Variants in CYFIP2 observed in about 807,000 individuals in gnomAD.
The protein encoded by CYFIP2 is cytoplasmic FMR1 interacting protein 2.
CYFIP2 carries 29 observed loss-of-function variants against 158.7 expected under a neutral mutation model. The observed-to-expected ratio is 0.18, with a 90% confidence interval of 0.14 to 0.25. The LOEUF is 0.25. Among genes scored for constraint, CYFIP2 ranks in the 10% least tolerant of loss-of-function variants. The probability of loss-of-function intolerance (pLI) is 1.00; values close to 1 mark genes in which losing one functional copy is unlikely to be tolerated. For missense variants in CYFIP2, 852 were observed against 1,639.5 expected, an observed-to-expected ratio of 0.52 and a Z score of 8.29; for synonymous variants, 585 against 617.6, an observed-to-expected ratio of 0.95 and a Z score of 0.78.
chr5:157,379,758 C>CA (rs1765865296), intron 26 of CYFIP2, among the ~76,000 whole-genome samples: 1 of 149,476 alleles, frequency 6.7e-6, no homozygotes, highest in African/African-American at 2.5e-5. Context: ...GAAATAGTAC[C>CA]AATTCTACAT....
intron 26 of CYFIP2, among the ~76,000 whole-genome samples, chr5:157,379,086 A>AC (rs1310826353): frequency 6.6e-6 from 1 of 152,038 alleles, no homozygotes; most frequent in African/African-American, 2.4e-5. Flanking sequence ...CCTCCATAAC[A>AC]CTCATGAGGG....
intron 26 of CYFIP2, among the ~76,000 whole-genome samples, chr5:157,371,789 G>A (rs1765019010): frequency 2.6e-5 from 4 of 152,162 alleles, no homozygotes. Flanking sequence ...AAATTCTGAT[G>A]TGAGTTCCTT....
intron 1 of CYFIP2, among the ~76,000 whole-genome samples, chr5:157,280,426 G>A (rs549283583): frequency 2.8e-4 from 41 of 148,806 alleles, no homozygotes; most frequent in African/African-American, 9.5e-4. Context: ...AATTGACCAG[G>A]CTGGTCAGGC....
At chr5:157,296,896 C>G in intron 5 of CYFIP2, 122 bp downstream of exon 5, 4 of 720,052 alleles carry the variant, frequency 5.6e-6, no homozygotes, top group Non-Finnish European at 6.8e-6. Flanking sequence ...TTTGACTGTG[C>G]CCTACACATC....
chr5:157,319,742 C>T lies in CYFIP2; in HGVS notation c.1357-20C>T. On this transcript the variant is annotated intron_variant, in intron 13 of 30. Transcript: ENST00000620254. ...TGTGCTGGACATGGTGAACATGACC[C>T]TTGGCCTCTTCCTGCCCAGGTGATC... 1 of 1,613,174 alleles carries T rather than the reference C, an allele frequency of 6.2e-7. No individual in the cohort carries two copies. Among genetic ancestry groups the T allele is most frequent in the Non-Finnish European group, 8.5e-7 (1 of 1,179,442 alleles).
intron 21 of CYFIP2, among the ~76,000 whole-genome samples, chr5:157,333,942 CCTA>C (rs1761670279): frequency 6.6e-6 from 1 of 152,218 alleles, no homozygotes; most frequent in Non-Finnish European, 1.5e-5. Flanking sequence ...CTGGAATAGG[CCTA>C]CTCCTTTCTC....
In CYFIP2 at chr5:157,333,446, G is replaced by A. The variant is rs768016488; in HGVS notation, c.2385G>A (p.Val795=). The A allele has an allele frequency of 6.2e-7, 1 of 1,613,874 alleles. No individual in the cohort carries two copies. The highest frequency in any genetic ancestry group is 2.2e-5 in the East Asian group (1 of 44,886). Residue 795 remains valine, a splice_region_variant and synonymous_variant, in exon 21 of 31, where the codon GTG becomes GTA. Transcript: ENST00000620254. ...AGAGTGAGGACCTGACCTCCATTGTGGTAAGAGTCTGGGAGCGTGTGGGAT... is the reference window on the plus strand; with the variant it reads ...AGAGTGAGGACCTGACCTCCATTGTAGTAAGAGTCTGGGAGCGTGTGGGAT... ...RFESEDLTSI[V]ELEWLLEINR... is the part of the protein sequence containing the mutation.
chr5:157,297,357 C>T (rs1302784641), intron 5 of CYFIP2, among the ~76,000 whole-genome samples: 1 of 152,248 alleles, frequency 6.6e-6, no homozygotes, highest in Non-Finnish European at 1.5e-5. Context: ...GCCCAAGTCA[C>T]ATCCCTGGCC....
intron 24 of CYFIP2, among the ~76,000 whole-genome samples, chr5:157,360,008 T>C (rs1763696458): frequency 6.6e-6 from 1 of 152,240 alleles, no homozygotes; most frequent in Non-Finnish European, 1.5e-5. Flanking sequence ...TCCATTTCAT[T>C]TTAGCTCTTT....
intron 23 of CYFIP2, among the ~76,000 whole-genome samples, chr5:157,350,485 T>C (rs1229724091): frequency 3.9e-5 from 6 of 152,252 alleles, no homozygotes; most frequent in Non-Finnish European, 7.3e-5. Flanking sequence ...CATTGGTCTA[T>C]ATGCCATTTT....
At chr5:157,313,028 A>G (rs1432810225) in intron 11 of CYFIP2, among the ~76,000 whole-genome samples, 2 of 152,074 alleles carry the variant, frequency 1.3e-5, no homozygotes, top group Admixed American at 6.6e-5. Context: ...CTTAATTCCT[A>G]CTCTCATTTT....
chr5:157,389,619 C>T, intron 29 of CYFIP2, 192 bp downstream of exon 29: 1 of 572,610 alleles, frequency 1.7e-6, no homozygotes, highest in Non-Finnish European at 3.1e-6. Context: ...GTAAGACCCT[C>T]ACTGCCTGCC....
At chr5:157,277,683 G>A (rs867376037) in intron 1 of CYFIP2, among the ~76,000 whole-genome samples, 1 of 152,228 alleles carries the variant, frequency 6.6e-6, no homozygotes, top group Non-Finnish European at 1.5e-5. Context: ...TTGATTGCTG[G>A]TGGCTTCCTG....
chr5:157,275,717 G>A (rs1756487590), intron 1 of CYFIP2, among the ~76,000 whole-genome samples: 1 of 152,226 alleles, frequency 6.6e-6, no homozygotes, highest in Admixed American at 6.5e-5. Flanking sequence ...TAGAGATTAT[G>A]TTGAATCTGT....
chr5:157,337,330 C>A (rs1761927772), intron 21 of CYFIP2, among the ~76,000 whole-genome samples: 1 of 152,132 alleles, frequency 6.6e-6, no homozygotes, highest in African/African-American at 2.4e-5. Flanking sequence ...TGAAAAATTG[C>A]AGGATTTGCC....
chr5:157,339,325 T>C, intron 22 of CYFIP2, 69 bp downstream of exon 22: 1 of 1,399,332 alleles, frequency 7.1e-7, no homozygotes, highest in South Asian at 1.3e-5. Flanking sequence ...TCCTCCAAAC[T>C]AGGCCCAGTA....
intron 23 of CYFIP2, among the ~76,000 whole-genome samples, chr5:157,343,975 C>T (rs10077470): frequency 0.23 from 34,372 of 152,066 alleles, 4,410 homozygotes; most frequent in African/African-American, 0.34. Context: ...AATTTTCCTT[C>T]TTGACCTCCT....
At chr5:157,326,043 C>T (rs1432575512) in intron 17 of CYFIP2, 128 bp from the exon 18 acceptor site, 6 of 739,200 alleles carry the variant, frequency 8.1e-6, no homozygotes, top group South Asian at 5.2e-5. Flanking sequence ...GCTCAAGGAA[C>T]GTAAGAGAGG....
Position 157,326,275 on chromosome 5 carries a change from A to T in CYFIP2, c.2079+8A>T. On this transcript the variant is annotated splice_region_variant and intron_variant, in intron 18 of 30. Transcript: ENST00000620254. ...GATGAGATAGAAGCTGAGGCAAGTG[A>T]TGTGCTTCTCTTTTTGCTCCTTTAA... 1.9e-6 allele frequency: 3 copies of T among 1,606,280 alleles called. No homozygotes were observed. The highest frequency in any genetic ancestry group is 2.6e-6 in the Non-Finnish European group (3 of 1,172,876).
Sources: gnomAD v4.1 joint callset for allele counts (sites outside exome capture counted in the v4.1 genomes callset) on GRCh38, gnomAD v4.1.1 for gene constraint, MANE v1.5 for transcripts, NCBI Gene and HGNC (gene_info 2026-07-23, HGNC 2026-07-21) for gene names.